Variants in KDM4C observed in about 807,000 individuals in gnomAD.
KDM4C encodes the protein lysine-specific demethylase 4C.
Under a neutral mutation model 129.3 loss-of-function variants are expected in KDM4C, and 81 were observed. That is an observed-to-expected ratio of 0.63 (90% CI 0.52 to 0.75). KDM4C has a LOEUF of 0.75. Among genes scored for constraint, KDM4C ranks in the 30% least tolerant of loss-of-function variants. The pLI is 0.00. For missense variants in KDM4C, 1,457 were observed against 1,304.0 expected (o/e 1.12, Z -1.81); for synonymous variants, 573 against 456.1 (o/e 1.26, Z -3.26).
In KDM4C at chr9:6,824,879, C is replaced by T. The variant is rs538243699; in HGVS notation, c.435+10134C>T. On this transcript the variant is annotated intron_variant, in intron 4 of 21. Coordinates refer to ENST00000381309, the MANE Select transcript of KDM4C (RefSeq NM_015061.6). ...AAGATTGTGGCCAGGTACGGTGGCT[C>T]ACACCCATAATCCCAGCACTTGGGG... is the stretch of plus-strand genomic sequence containing the variant. Among the ~76,000 whole-genome samples the T allele has an allele frequency of 4.6e-5, 7 of 152,104 alleles. No homozygotes were observed. In the East Asian group the frequency reaches 1.4e-3, roughly 29 times the overall value.
intron 1 of KDM4C, among the ~76,000 whole-genome samples, chr9:6,746,262 GTTTT>G (rs778939269): frequency 4.9e-5 from 3 of 61,198 alleles, no homozygotes; most frequent in African/African-American, 2.2e-4. Flanking sequence ...ATATATATAT[GTTTT>G]TTTTTTTTTT....
chr9:7,089,466 C>G (rs1443336551), intron 17 of KDM4C, among the ~76,000 whole-genome samples: 1 of 152,050 alleles, frequency 6.6e-6, no homozygotes, highest in Non-Finnish European at 1.5e-5. Flanking sequence ...TAGACGGGTT[C>G]CTTTTGGATT....
intron 12 of KDM4C, among the ~76,000 whole-genome samples, chr9:7,001,154 A>G (rs1820651085): frequency 6.6e-6 from 1 of 152,224 alleles, no homozygotes; most frequent in Non-Finnish European, 1.5e-5. Context: ...CTTCAGAGAA[A>G]TGGTGAGATG....
intron 12 of KDM4C, among the ~76,000 whole-genome samples, chr9:6,994,048 G>C (rs897497359): frequency 1.3e-5 from 2 of 152,158 alleles, no homozygotes. Flanking sequence ...GGGTGGGGAT[G>C]GTTTTGGGAT....
chr9:7,152,845 A>T (rs1237607101), intron 19 of KDM4C, among the ~76,000 whole-genome samples: 4 of 152,220 alleles, frequency 2.6e-5, no homozygotes, highest in African/African-American at 9.6e-5. Context: ...CATGAAAGAA[A>T]ATAAAGGCTG....
At chr9:7,079,012 A>G (rs971491126) in intron 17 of KDM4C, among the ~76,000 whole-genome samples, 1 of 152,086 alleles carries the variant, frequency 6.6e-6, no homozygotes, top group African/African-American at 2.4e-5. Context: ...AAAATTTCAG[A>G]CTCCCAGAAG....
intron 18 of KDM4C, among the ~76,000 whole-genome samples, chr9:7,118,156 G>T (rs891322450): frequency 1.3e-5 from 2 of 152,202 alleles, no homozygotes; most frequent in African/African-American, 4.8e-5. Flanking sequence ...GCAGCCTGTT[G>T]TTTGTGCTTC....
At chr9:6,791,713 C>T (rs956336713) in intron 1 of KDM4C, among the ~76,000 whole-genome samples, 9 of 152,160 alleles carry the variant, frequency 5.9e-5, no homozygotes, top group Non-Finnish European at 1.0e-4. Context: ...CTTTTGTAAA[C>T]TTGCAAGGTT....
intron 18 of KDM4C, among the ~76,000 whole-genome samples, chr9:7,123,970 G>T (rs1258100382): frequency 6.6e-6 from 1 of 152,158 alleles, no homozygotes; most frequent in African/African-American, 2.4e-5. Flanking sequence ...ACTCACCTGA[G>T]CTGAAGGTCT....
intron 1 of KDM4C, among the ~76,000 whole-genome samples, chr9:6,746,874 C>T (rs1346697834): frequency 1.3e-5 from 2 of 150,590 alleles, no homozygotes; most frequent in East Asian, 2.0e-4. Flanking sequence ...GGCGTGGTGG[C>T]GGGCACCTGT....
intron 1 of KDM4C, among the ~76,000 whole-genome samples, chr9:6,732,323 C>CGT (rs1481840157): frequency 8.1e-6 from 1 of 123,964 alleles, no homozygotes; most frequent in Non-Finnish European, 1.6e-5. Context: ...TGAGATCATG[C>CGT]CACTGCACTC....
chr9:7,081,269 C>G (rs1157715752), intron 17 of KDM4C, among the ~76,000 whole-genome samples: 2 of 152,158 alleles, frequency 1.3e-5, no homozygotes, highest in Non-Finnish European at 2.9e-5. Flanking sequence ...ACTTCAGGAC[C>G]TGGGCCAAGT....
chr9:6,782,814 T>C (rs1824655300), intron 1 of KDM4C, among the ~76,000 whole-genome samples: 1 of 152,168 alleles, frequency 6.6e-6, no homozygotes, highest in Non-Finnish European at 1.5e-5. Flanking sequence ...TATAGATGTA[T>C]GGAAGAGAAT....
intron 17 of KDM4C, among the ~76,000 whole-genome samples, chr9:7,056,185 G>A (rs1229121216): frequency 1.3e-5 from 2 of 152,142 alleles, no homozygotes; most frequent in African/African-American, 4.8e-5. Flanking sequence ...TAAAGGAGGA[G>A]TAAGAGGTAC....
chr9:7,042,342 T>C (rs927113968), intron 15 of KDM4C, among the ~76,000 whole-genome samples: 1 of 152,076 alleles, frequency 6.6e-6, no homozygotes, highest in Non-Finnish European at 1.5e-5. Context: ...ATTTGATTCA[T>C]TTAGCCTGAG....
chr9:6,735,058 C>T (rs1490376502), intron 1 of KDM4C: 1 of 453,028 alleles, frequency 2.2e-6, no homozygotes, highest in African/African-American at 2.0e-5. Context: ...AAGAGATGCT[C>T]CAAAGTTCAA....
chr9:6,895,243 C>T (rs539794132), intron 8 of KDM4C, among the ~76,000 whole-genome samples: 13 of 152,318 alleles, frequency 8.5e-5, no homozygotes, highest in African/African-American at 3.1e-4. Flanking sequence ...TAGCATTGGT[C>T]TCACCAGTTA....
intron 8 of KDM4C, among the ~76,000 whole-genome samples, chr9:6,971,024 G>T (rs1052132876): frequency 1.3e-5 from 2 of 152,056 alleles, no homozygotes; most frequent in East Asian, 1.9e-4. Context: ...TTTATGCACT[G>T]GTGATGACAG....
chr9:6,881,935 A>G lies in KDM4C; in HGVS notation c.679+1874A>G, dbSNP rs115932564. ...TCTAGCTGATAGCAACACTTGATTC[A>G]TAAAATGAAAAGTAGGCTCAGATAT... On this transcript the variant is annotated intron_variant, in intron 6 of 21. Transcript: ENST00000381309. 3.3e-3 allele frequency among the ~76,000 whole-genome samples: 501 copies of G among 152,360 alleles called. 2 individuals are homozygous for G. The highest frequency in any genetic ancestry group is 0.011 in the African/African-American group (472 of 41,588).
Sources: gnomAD v4.1 joint callset for allele counts (sites outside exome capture counted in the v4.1 genomes callset) on GRCh38, gnomAD v4.1.1 for gene constraint, MANE v1.5 for transcripts, NCBI Gene and HGNC (gene_info 2026-07-23, HGNC 2026-07-21) for gene names.